The following UNC5D variants were observed in gnomAD, a reference collection of about 807,000 sequenced individuals.
UNC5D encodes netrin receptor UNC5D.
UNC5D carries 39 observed loss-of-function variants against 105.4 expected under a neutral mutation model. The observed-to-expected ratio is 0.37, with a 90% CI of 0.29 to 0.48. UNC5D has a LOEUF of 0.48. UNC5D is among the 20% of genes least tolerant of loss of function. The pLI is 0.98. For synonymous variants in UNC5D, 452 were observed against 450.4 expected, an observed-to-expected ratio of 1.00 and a Z score of -0.04; for missense variants, 991 against 1,202.4, an observed-to-expected ratio of 0.82 and a Z score of 2.60.
At chr8:35,444,025 T>C (rs1333002232) in intron 1 of UNC5D, among the ~76,000 whole-genome samples, 1 of 152,052 alleles carries the variant, frequency 6.6e-6, no homozygotes, top group Non-Finnish European at 1.5e-5. Flanking sequence ...ACATAAATTA[T>C]TTGACAGATT....
chr8:35,265,859 G>A (rs1804827806), intron 1 of UNC5D, among the ~76,000 whole-genome samples: 1 of 131,644 alleles, frequency 7.6e-6, no homozygotes, highest in Non-Finnish European at 1.6e-5. Context: ...GACAGAGCGA[G>A]ACTCGTCTCA....
chr8:35,435,682 A>G (rs555782405), intron 1 of UNC5D, among the ~76,000 whole-genome samples: 9 of 152,248 alleles, frequency 5.9e-5, no homozygotes, highest in Admixed American at 1.3e-4. Context: ...ATCAACTGAT[A>G]TATCTAAATT....
At chr8:35,242,858 T>A (rs1477801724) in intron 1 of UNC5D, among the ~76,000 whole-genome samples, 2 of 152,194 alleles carry the variant, frequency 1.3e-5, no homozygotes, top group Non-Finnish European at 2.9e-5. Flanking sequence ...TAGGGTTGCT[T>A]AGAAGTCATT....
intron 1 of UNC5D, among the ~76,000 whole-genome samples, chr8:35,295,421 A>G (rs1205374874): frequency 6.6e-6 from 1 of 152,206 alleles, no homozygotes; most frequent in Non-Finnish European, 1.5e-5. Context: ...ATTTTCCAAC[A>G]TATTTTTTGA....
intron 4 of UNC5D, among the ~76,000 whole-genome samples, chr8:35,611,441 A>G (rs1425913374): frequency 1.3e-5 from 2 of 152,224 alleles, no homozygotes; most frequent in East Asian, 3.8e-4. Flanking sequence ...CCATTGAAGT[A>G]TCTTATGAGT....
chr8:35,302,043 T>C (rs1351074830), intron 1 of UNC5D, among the ~76,000 whole-genome samples: 1 of 152,070 alleles, frequency 6.6e-6, no homozygotes, highest in African/African-American at 2.4e-5. Flanking sequence ...GTTAGAGCAA[T>C]GTAAAATTTT....
At chr8:35,271,263 A>C (rs991091632) in intron 1 of UNC5D, among the ~76,000 whole-genome samples, 2 of 145,120 alleles carry the variant, frequency 1.4e-5, no homozygotes, top group Non-Finnish European at 3.0e-5. Context: ...ATAGGTATAC[A>C]TATGTATACA....
Position 35,731,000 on chromosome 8 carries a change from T to C in UNC5D, c.1682-12T>C. 6.2e-7 allele frequency: 1 copy of C among 1,613,480 alleles called. No homozygotes were observed. The highest frequency in any genetic ancestry group is 8.5e-7 in the Non-Finnish European group (1 of 1,179,604). On this transcript the variant is annotated splice_polypyrimidine_tract_variant and intron_variant, in intron 10 of 16. Transcript: ENST00000404895. Reference sequence around the variant, plus strand: ...AAATCTATGAATAACCTGTTGGCTTTTTCTGTTTTAGGGGTGAGCTTACTC... The same window carrying C: ...AAATCTATGAATAACCTGTTGGCTTCTTCTGTTTTAGGGGTGAGCTTACTC...
intron 15 of UNC5D, among the ~76,000 whole-genome samples, chr8:35,771,280 A>C (rs1445492012): frequency 6.6e-6 from 1 of 152,208 alleles, no homozygotes; most frequent in African/African-American, 2.4e-5. Context: ...TCAACAATTT[A>C]CAGGTGCCAT....
chr8:35,668,493 A>G (rs950140539), intron 4 of UNC5D, among the ~76,000 whole-genome samples: 18 of 152,070 alleles, frequency 1.2e-4, no homozygotes, highest in African/African-American at 4.3e-4. Context: ...TCTCGTTTTC[A>G]TACCATGCAG....
At chr8:35,739,641 G>A (rs56114419) in intron 11 of UNC5D, among the ~76,000 whole-genome samples, 4,345 of 152,250 alleles carry the variant, frequency 0.029, 222 homozygotes, top group African/African-American at 0.099. Context: ...AATTCAATAA[G>A]GGGAAAGTCA....
At chr8:35,585,345 C>T (rs1818717479) in intron 3 of UNC5D, among the ~76,000 whole-genome samples, 1 of 152,124 alleles carries the variant, frequency 6.6e-6, no homozygotes, top group South Asian at 2.1e-4. Context: ...GCAGAGAATG[C>T]TCAGTGCCTG....
At chr8:35,263,897 A>G (rs1804655214) in intron 1 of UNC5D, among the ~76,000 whole-genome samples, 1 of 152,222 alleles carries the variant, frequency 6.6e-6, no homozygotes. Context: ...CCCCTCCTGT[A>G]CTGGCTGCAA....
In UNC5D at chr8:35,795,737, T is replaced by C. The variant is rs1803229572; in HGVS notation, c.*5174T>C. The C allele has an allele frequency of 6.6e-6, 1 of 152,204 alleles. No individual in the cohort carries two copies. The highest frequency in any genetic ancestry group is 2.4e-5 in the African/African-American group (1 of 41,452). The allele number at this position is 152,204 out of a possible 1,614,324, so 9.4% of individuals were successfully genotyped here. Reference sequence around the variant, plus strand: ...GTAGGTCACTACCATTCAAAACTTTTCTATACAAAGGTGGAAAAGCACTCA... The same window carrying C: ...GTAGGTCACTACCATTCAAAACTTTCCTATACAAAGGTGGAAAAGCACTCA... On this transcript the variant is annotated 3_prime_UTR_variant, in exon 17 of 17. Coordinates refer to ENST00000404895, the MANE Select transcript of UNC5D (RefSeq NM_080872.4).
At chr8:35,705,444 C>G (rs1472611167) in intron 7 of UNC5D, among the ~76,000 whole-genome samples, 2 of 152,220 alleles carry the variant, frequency 1.3e-5, no homozygotes, top group East Asian at 1.9e-4. Flanking sequence ...ACACCCATAC[C>G]TGACAAGAAT....
At chr8:35,499,136 A>T (rs577427695) in intron 1 of UNC5D, among the ~76,000 whole-genome samples, 8 of 152,226 alleles carry the variant, frequency 5.3e-5, no homozygotes, top group Admixed American at 2.0e-4. Flanking sequence ...TCAATAAATG[A>T]AATGTTTCTC....
At position 35,722,268 on chromosome 8, in the gene UNC5D, C is replaced by T. The variant is rs754868536; in HGVS notation, c.1176C>T (p.Ala392=). The T allele has an allele frequency of 9.8e-5, 158 of 1,614,030 alleles. No homozygotes were observed. In the South Asian group the frequency reaches 1.3e-3, roughly 14 times the overall value. ...LYSGLGAAVV[A]VAVLVIGVTL... ...CGGGCTTGGGTGCTGCCGTCGTGGCCGTTGCAGTCCTGGTCATTGGTGTCA... is the reference window on the plus strand; with the variant it reads ...CGGGCTTGGGTGCTGCCGTCGTGGCTGTTGCAGTCCTGGTCATTGGTGTCA... The change falls in exon 9 of 17, where the codon GCC becomes GCT. Residue 392 remains alanine, a synonymous_variant. Transcript: ENST00000404895.
intron 15 of UNC5D, among the ~76,000 whole-genome samples, chr8:35,770,558 A>G (rs532011358): frequency 6.6e-6 from 1 of 152,298 alleles, no homozygotes; most frequent in East Asian, 1.9e-4. Flanking sequence ...ATTTAACCCT[A>G]TTGAATTACC....
rs1816821557 is a variant in UNC5D at position 35,559,715 on chromosome 8, TTTTA to T, written c.323-8375_323-8372del. Among the ~76,000 whole-genome samples the T allele has an allele frequency of 2.0e-5, 3 of 152,208 alleles. No homozygotes were observed. In the South Asian group the frequency reaches 6.2e-4, roughly 32 times the overall value. On this transcript the variant is annotated intron_variant, in intron 2 of 16. Transcript: ENST00000404895. ...TTTAAAGTTGACCAGAAATAAAGCA[TTTTA>T]TTTATTTTCCCTTCTCCATTTCTTC...
Sources: allele counts gnomAD v4.1 joint callset (sites outside exome capture counted in the v4.1 genomes callset), GRCh38; gene constraint gnomAD v4.1.1; transcripts MANE v1.5; gene names NCBI Gene and HGNC (gene_info 2026-07-23, HGNC 2026-07-21).